The following CFHR3 variants were observed in gnomAD, a reference collection of about 807,000 sequenced individuals.
The protein encoded by CFHR3 is complement factor H related 3.
Under a neutral mutation model 36.0 loss-of-function variants are expected in CFHR3, and 22 were observed. The observed-to-expected ratio is 0.61, with a 90% confidence interval of 0.44 to 0.87. The LOEUF is 0.87. CFHR3 is among the 40% of genes least tolerant of loss of function. The probability of loss-of-function intolerance (pLI) is 0.00; values close to 1 mark genes in which losing one functional copy is unlikely to be tolerated. For missense variants in CFHR3, 276 were observed against 401.3 expected (o/e 0.69, Z 2.67); for synonymous variants, 97 against 137.4 (o/e 0.71, Z 2.06).
intron 1 of CFHR3, among the ~76,000 whole-genome samples, chr1:196,776,637 G>A (rs1295729692): frequency 7.3e-6 from 1 of 136,324 alleles, no homozygotes; most frequent in Non-Finnish European, 1.6e-5. Context: ...CAAGGCAAAG[G>A]AGGAGGTCTC....
rs1251704872 is a variant in CFHR3 at position 196,779,945 on chromosome 1, G to A, written c.402G>A (p.Trp134Ter). The A allele has an allele frequency of 6.5e-7, 1 of 1,533,098 alleles. No homozygotes were observed. Among genetic ancestry groups the A allele is most frequent in the African/African-American group, 1.7e-5 (1 of 60,514 alleles). 95.0% of individuals were successfully genotyped at this position (1,533,098 alleles called of 1,614,324 possible). The change falls in exon 3 of 6, where the codon TGG becomes TGA. Residue 134 changes from tryptophan to a stop codon, truncating the protein, a stop_gained. Coordinates refer to ENST00000367425, the MANE Select transcript of CFHR3 (RefSeq NM_021023.6). LOFTEE classifies it high-confidence loss of function. ...QTTVTCTEKG[W>*]SPTPRCIRVR... ...CAGTTACATGTACGGAGAAAGGCTG[G>A]TCTCCTACTCCCAGATGCATCCGTG... is the stretch of plus-strand genomic sequence containing the variant.
chr1:196,776,318 A>G lies in CFHR3; in HGVS notation c.58+1374A>G, dbSNP rs1175578413. Among the ~76,000 whole-genome samples, 2 of 137,200 alleles carry G rather than the reference A, an allele frequency of 1.5e-5. 1 individual carries two copies. Among genetic ancestry groups the G allele is most frequent in the African/African-American group, 6.1e-5 (2 of 33,024 alleles). 90.0% of individuals were successfully genotyped at this position (137,200 alleles called of 152,430 possible). A position where few individuals can be genotyped will look rare whatever the true frequency, so the allele number is the denominator to read the frequency against. Reference sequence around the variant, plus strand: ...TGTCTTGTAAATTTGGGTTGCACCTATATTTCTCAAAGGAGAAAGTAACTC... The same window carrying G: ...TGTCTTGTAAATTTGGGTTGCACCTGTATTTCTCAAAGGAGAAAGTAACTC... On this transcript the variant is annotated intron_variant, in intron 1 of 5. Coordinates refer to ENST00000367425, the MANE Select transcript of CFHR3 (RefSeq NM_021023.6).
In CFHR3 at chr1:196,785,779, G is replaced by T. The variant is rs765610542; in HGVS notation, c.431-2437G>T. ...TCCTGTAGCTTGGAGTAGTTTGATT[G>T]TCTGAAGCCTTCTTTTCTCAACTCG... On this transcript the variant is annotated intron_variant, in intron 3 of 5. Transcript: ENST00000367425. Among the ~76,000 whole-genome samples, 78 of 136,416 alleles carry T rather than the reference G, an allele frequency of 5.7e-4. 15 individuals carry two copies. The highest frequency in any genetic ancestry group is 1.1e-3 in the Non-Finnish European group (72 of 64,230). The allele number at this position is 136,416 out of a possible 152,430, so 89.5% of individuals were successfully genotyped here. A position where few individuals can be genotyped will look rare whatever the true frequency, so the allele number is the denominator to read the frequency against.
In CFHR3 at chr1:196,782,630, T is replaced by G. The variant is rs1246773984; in HGVS notation, c.430+2657T>G. ...GTCTGTTATTGGTGTATAAGAATGC[T>G]TGTGATTTTTGTACATTGATTTTGT... On this transcript the variant is annotated intron_variant, in intron 3 of 5. Coordinates refer to ENST00000367425, the MANE Select transcript of CFHR3 (RefSeq NM_021023.6). Among the ~76,000 whole-genome samples, 6 of 137,132 alleles carry G rather than the reference T, an allele frequency of 4.4e-5. 1 individual carries two copies. The highest frequency in any genetic ancestry group is 7.0e-5 in the Admixed American group (1 of 14,190). The allele number at this position is 137,132 out of a possible 152,430, so 90.0% of individuals were successfully genotyped here.
At position 196,789,981 on chromosome 1, in the gene CFHR3, TTTA is replaced by T. The variant is rs1654361699; in HGVS notation, c.614-61_614-59del. The T allele has an allele frequency of 8.6e-6, 10 of 1,158,896 alleles. 3 individuals are homozygous for T. The South Asian group carries it at 1.5e-4, about 18-fold the overall frequency. 71.8% of individuals were successfully genotyped at this position (1,158,896 alleles called of 1,614,324 possible). ...ATACAGTTAAGAGTATATAAAAAGC[TTTA>T]TTTAGAAAGTTTCCAATAAGACTAT... is the stretch of plus-strand genomic sequence containing the variant. On this transcript the variant is annotated intron_variant, in intron 4 of 5. Coordinates refer to ENST00000367425, the MANE Select transcript of CFHR3 (RefSeq NM_021023.6).
At position 196,793,802 on chromosome 1, in the gene CFHR3, C is replaced by G. The variant is rs1299997832; in HGVS notation, c.*289C>G. On this transcript the variant is annotated 3_prime_UTR_variant, in exon 6 of 6. Transcript: ENST00000367425. ...AGACAGACAGCTGAATGGCTTTCTG[C>G]ATATTGTATAGTATACCTAGACATA... is the stretch of plus-strand genomic sequence containing the variant. 1 of 274,876 alleles carries G rather than the reference C, an allele frequency of 3.6e-6. No individual in the cohort carries two copies. Among genetic ancestry groups the G allele is most frequent in the South Asian group, 4.4e-5 (1 of 22,786 alleles). 17.0% of individuals were successfully genotyped at this position (274,876 alleles called of 1,614,324 possible). A position where few individuals can be genotyped will look rare whatever the true frequency, so the allele number is the denominator to read the frequency against.
chr1:196,795,334 T>C lies in CFHR3; in HGVS notation c.*1821T>C. On this transcript the variant is annotated 3_prime_UTR_variant, in exon 6 of 6. Coordinates refer to ENST00000367425, the MANE Select transcript of CFHR3 (RefSeq NM_021023.6). ...GATGTACCTTTGCTACTCATTCACC[T>C]TCTGTCATGATGGTGAGGCCTTCCC... 1 of 137,132 alleles carries C rather than the reference T, an allele frequency of 7.3e-6. No individual in the cohort carries two copies. Among genetic ancestry groups the C allele is most frequent in the African/African-American group, 3.0e-5 (1 of 32,808 alleles). The allele number at this position is 137,132 out of a possible 1,614,324, so 8.5% of individuals were successfully genotyped here. A position where few individuals can be genotyped will look rare whatever the true frequency, so the allele number is the denominator to read the frequency against.
chr1:196,786,570 C>CA lies in CFHR3; in HGVS notation c.431-1644dup, dbSNP rs1375586737. On this transcript the variant is annotated intron_variant, in intron 3 of 5. Transcript: ENST00000367425. ...GTTTGATCTCAGACTGCTATGCTAG[C>CA]AATCAGAGAGACTCCGTGGGCATAG... 1.5e-5 allele frequency among the ~76,000 whole-genome samples: 2 copies of CA among 135,802 alleles called. 1 individual carries two copies. The highest frequency in any genetic ancestry group is 6.2e-5 in the African/African-American group (2 of 32,126). The allele number at this position is 135,802 out of a possible 152,430, so 89.1% of individuals were successfully genotyped here. A position where few individuals can be genotyped will look rare whatever the true frequency, so the allele number is the denominator to read the frequency against.
At position 196,782,449 on chromosome 1, in the gene CFHR3, TC is replaced by T. The variant is rs369371600; in HGVS notation, c.430+2478del. 2.3e-4 allele frequency among the ~76,000 whole-genome samples: 31 copies of T among 137,276 alleles called. 8 individuals carry two copies. The South Asian group carries it at 7.9e-3, about 35-fold the overall frequency. 90.1% of individuals were successfully genotyped at this position (137,276 alleles called of 152,430 possible). A position where few individuals can be genotyped will look rare whatever the true frequency, so the allele number is the denominator to read the frequency against. ...CCTACCCATGAGCATGGAATGTTCT[TC>T]CATTTGTTTGTATCCTCTTTTATTT... On this transcript the variant is annotated intron_variant, in intron 3 of 5. Transcript: ENST00000367425.
chr1:196,788,685 A>G (rs1248783799), intron 4 of CFHR3: 8 of 1,454,196 alleles, frequency 5.5e-6, no homozygotes, highest in East Asian at 4.9e-5. Context: ...TCAGCAAAAT[A>G]TGTTAGTTGC....
At chr1:196,791,583 T>C (rs1256466398) in intron 5 of CFHR3, among the ~76,000 whole-genome samples, 1 of 125,394 alleles carries the variant, frequency 8.0e-6, no homozygotes, top group Non-Finnish European at 1.6e-5. Flanking sequence ...ACCTTTCATA[T>C]TGACTGATGA....
In CFHR3 at chr1:196,790,116, T is replaced by C. The variant is rs771500344; in HGVS notation, c.685T>C (p.Tyr229His). 2 of 1,373,332 alleles carry C rather than the reference T, an allele frequency of 1.5e-6. No homozygotes were observed. The highest frequency in any genetic ancestry group is 4.2e-5 in the Admixed American group (2 of 48,136). The allele number at this position is 1,373,332 out of a possible 1,614,324, so 85.1% of individuals were successfully genotyped here. The change falls in exon 5 of 6, where the codon TAT (tyrosine) becomes CAT (histidine). Residue 229 changes from tyrosine (Y) to histidine (H), a missense_variant. Tyr to His is a moderately conservative substitution (Grantham distance 83, BLOSUM62 2). Transcript: ENST00000367425. ...GDTTSFLLKVYVPQSRVEYQC... is the reference protein window; with the variant it reads ...GDTTSFLLKVHVPQSRVEYQC... ...TACCACCTCCTTTCTACTAAAAGTG[T>C]ATGTGCCACAGTCAAGAGTCGAGTA...
At chr1:196,783,529 T>C (rs533257523) in intron 3 of CFHR3, among the ~76,000 whole-genome samples, 1,804 of 130,412 alleles carry the variant, frequency 0.014, 360 homozygotes, top group African/African-American at 0.058. Flanking sequence ...GGTTTAGTCT[T>C]GGGAGAGTGT....
At chr1:196,780,612 G>C (rs1653908336) in intron 3 of CFHR3, among the ~76,000 whole-genome samples, 1 of 135,616 alleles carries the variant, frequency 7.4e-6, no homozygotes, top group Admixed American at 7.1e-5. Flanking sequence ...TGGGAGTTTT[G>C]GTTGTTATTA....
Position 196,793,421 on chromosome 1 carries a change from A to C in CFHR3, c.901A>C (p.Met301Leu). The C allele has an allele frequency of 2.0e-6, 3 of 1,527,380 alleles. No individual in the cohort carries two copies. The highest frequency in any genetic ancestry group is 1.7e-5 in the Admixed American group (1 of 57,962). 94.6% of individuals were successfully genotyped at this position (1,527,380 alleles called of 1,614,324 possible). ...AAAAACAGGGGATACCATTGAATTT[A>C]TGTGTAAATTGGGATATAATGCAAA... Reference protein sequence around the residue: ...YAKTGDTIEFMCKLGYNANTS... With the variant: ...YAKTGDTIEFLCKLGYNANTS... Residue 301 changes from methionine (M) to leucine (L), a missense_variant, in exon 6 of 6, where the codon ATG (methionine) becomes CTG (leucine). Physicochemically the swap from Met to Leu is conservative, Grantham distance 15. Coordinates refer to ENST00000367425, the MANE Select transcript of CFHR3 (RefSeq NM_021023.6).
At chr1:196,778,331 C>CATAAAT (rs1653814332) in intron 1 of CFHR3, among the ~76,000 whole-genome samples, 1 of 136,992 alleles carries the variant, frequency 7.3e-6, no homozygotes, top group Non-Finnish European at 1.5e-5. Flanking sequence ...CGCTAGCCTC[C>CATAAAT]TTCCCGTTCT....
At chr1:196,777,702 T>G (rs1157736862) in intron 1 of CFHR3, among the ~76,000 whole-genome samples, 3 of 135,636 alleles carry the variant, frequency 2.2e-5, no homozygotes, top group African/African-American at 9.3e-5. Flanking sequence ...GAAAAGTAAT[T>G]TTTGGTCGAG....
In CFHR3 at chr1:196,793,283, A is replaced by G. The variant is rs754777418; in HGVS notation, c.797-34A>G. On this transcript the variant is annotated intron_variant, in intron 5 of 5. Coordinates refer to ENST00000367425, the MANE Select transcript of CFHR3 (RefSeq NM_021023.6). ...ATTTTATTTGCTCATGAAAGAGAAA[A>G]TTATGATTGTTAATTGTTTTTTTCT... is the stretch of plus-strand genomic sequence containing the variant. The G allele has an allele frequency of 2.9e-5, 43 of 1,465,660 alleles. 3 individuals carry two copies. In the East Asian group the frequency reaches 9.0e-4, roughly 31 times the overall value. 90.8% of individuals were successfully genotyped at this position (1,465,660 alleles called of 1,614,324 possible). A position where few individuals can be genotyped will look rare whatever the true frequency, so the allele number is the denominator to read the frequency against.
chr1:196,791,309 A>G (rs1448673424), intron 5 of CFHR3, among the ~76,000 whole-genome samples: 4 of 136,236 alleles, frequency 2.9e-5, no homozygotes, highest in Non-Finnish European at 6.2e-5. Flanking sequence ...AAGCAACACA[A>G]CTCAAAAAAT....
Sources: gnomAD v4.1 joint callset for allele counts (sites outside exome capture counted in the v4.1 genomes callset) on GRCh38, gnomAD v4.1.1 for gene constraint, MANE v1.5 for transcripts, NCBI Gene and HGNC (gene_info 2026-07-23, HGNC 2026-07-21) for gene names.